XRCC5: variants seen among roughly 807,000 people sequenced by gnomAD.
The protein encoded by XRCC5 is X-ray repair cross complementing 5, also known as DNA repair protein Ku80.
Under a neutral mutation model 95.7 loss-of-function variants are expected in XRCC5, and 12 were observed. The ratio of observed to expected loss-of-function variants is 0.13; its 90% CI spans 0.08 to 0.20. The LOEUF (loss-of-function observed/expected upper bound fraction) is 0.20. XRCC5 is among the 10% of genes least tolerant of loss of function. The pLI is 1.00. For missense variants in XRCC5, 595 were observed against 873.9 expected, an observed-to-expected ratio of 0.68 and a Z score of 4.02; for synonymous variants, 281 against 290.3, an observed-to-expected ratio of 0.97 and a Z score of 0.33.
chr2:216,205,233 T>G lies in XRCC5; in HGVS notation c.*31T>G. On this transcript the variant is annotated 3_prime_UTR_variant, in exon 21 of 21. Transcript: ENST00000392132. ...GGATGTATGGGGAATCTAAGAGAGC[T>G]GCCATCGCTGTGATGCTGGGAGTTC... 1 of 1,613,894 alleles carries G rather than the reference T, an allele frequency of 6.2e-7. No individual in the cohort carries two copies. Among genetic ancestry groups the G allele is most frequent in the Non-Finnish European group, 8.5e-7 (1 of 1,179,788 alleles).
chr2:216,131,036 A>T (rs1186414088), intron 9 of XRCC5, 49 bp downstream of exon 9: 1 of 1,518,682 alleles, frequency 6.6e-7, no homozygotes, highest in African/African-American at 1.4e-5. Context: ...TGTTATTTGA[A>T]ATGGTATGCT....
In XRCC5 at chr2:216,204,157, C is replaced by G. The variant is rs370147873; in HGVS notation, c.2110-165C>G. On this transcript the variant is annotated intron_variant, in intron 19 of 20. Coordinates refer to ENST00000392132, the MANE Select transcript of XRCC5 (RefSeq NM_021141.4). The stretch of plus-strand genomic sequence containing the variant: ...CAAAACTGGGCCTCTCACCCAAAGC[C>G]AAATGAAGTAGCGTATGCCAGGATG... 25 of 738,906 alleles carry G rather than the reference C, an allele frequency of 3.4e-5. No homozygotes were observed. The East Asian group carries it at 6.7e-4, about 20-fold the overall frequency. The allele number at this position is 738,906 out of a possible 1,614,324, so 45.8% of individuals were successfully genotyped here.
At chr2:216,187,008 T>G (rs1689505029) in intron 16 of XRCC5, among the ~76,000 whole-genome samples, 1 of 152,234 alleles carries the variant, frequency 6.6e-6, no homozygotes, top group Non-Finnish European at 1.5e-5. Context: ...TATTCAAGCG[T>G]CATCCATCAC....
chr2:216,134,489 A>G (rs1037584514), intron 10 of XRCC5, among the ~76,000 whole-genome samples: 1 of 145,854 alleles, frequency 6.9e-6, no homozygotes, highest in Non-Finnish European at 1.5e-5. Context: ...GTACAGTGGT[A>G]CGTTCTCGGT....
chr2:216,163,479 G>A lies in XRCC5; in HGVS notation c.1834+1431G>A, dbSNP rs114007928. Among the ~76,000 whole-genome samples, 628 of 151,938 alleles carry A rather than the reference G, an allele frequency of 4.1e-3. 4 individuals carry two copies. Among genetic ancestry groups the A allele is most frequent in the African/African-American group, 0.015 (607 of 41,456 alleles). ...TAATTTTTGTATTTTTAGCACAGACGGGGTTTCGTTATGTTGGCCAGGCTG... is the reference window on the plus strand; with the variant it reads ...TAATTTTTGTATTTTTAGCACAGACAGGGTTTCGTTATGTTGGCCAGGCTG... On this transcript the variant is annotated intron_variant, in intron 16 of 20. Coordinates refer to ENST00000392132, the MANE Select transcript of XRCC5 (RefSeq NM_021141.4).
chr2:216,184,816 A>G (rs1031120076), intron 16 of XRCC5, among the ~76,000 whole-genome samples: 9 of 152,296 alleles, frequency 5.9e-5, no homozygotes, highest in African/African-American at 1.7e-4. Flanking sequence ...GAAATACCCA[A>G]TTCTTAAAAG....
At chr2:216,160,461 G>C (rs997304744) in intron 15 of XRCC5, among the ~76,000 whole-genome samples, 1 of 152,074 alleles carries the variant, frequency 6.6e-6, no homozygotes, top group Non-Finnish European at 1.5e-5. Flanking sequence ...TTTTCAACTA[G>C]TCAAAATGAT....
intron 10 of XRCC5, among the ~76,000 whole-genome samples, chr2:216,134,876 A>G (rs988244655): frequency 6.6e-6 from 1 of 152,238 alleles, no homozygotes; most frequent in East Asian, 1.9e-4. Context: ...ATTAGAACAT[A>G]CATGTTTCAT....
At chr2:216,184,032 CTGTGTGTGTGTGTGTGTG>C (rs3221952) in intron 16 of XRCC5, among the ~76,000 whole-genome samples, 2 of 145,626 alleles carry the variant, frequency 1.4e-5, no homozygotes, top group Admixed American at 1.3e-4. Context: ...TAAGTCAGCA[CTGTGTGTGTGTGTGTGTG>C]TGTGTGTGTG....
At chr2:216,184,030 C>T (rs1206411603) in intron 16 of XRCC5, among the ~76,000 whole-genome samples, 1 of 100,658 alleles carries the variant, frequency 9.9e-6, no homozygotes, top group African/African-American at 3.9e-5. Context: ...AATAAGTCAG[C>T]ACTGTGTGTG....
At chr2:216,130,149 G>C (rs1402317648) in intron 8 of XRCC5, among the ~76,000 whole-genome samples, 1 of 151,408 alleles carries the variant, frequency 6.6e-6, no homozygotes, top group Non-Finnish European at 1.5e-5. Flanking sequence ...GGATTTTGAT[G>C]CTCCTTCTTC....
intron 6 of XRCC5, among the ~76,000 whole-genome samples, chr2:216,125,261 G>T (rs899723426): frequency 6.6e-6 from 1 of 150,570 alleles, no homozygotes; most frequent in Non-Finnish European, 1.5e-5. Context: ...GCAATGGCGC[G>T]ATCTCAGCTC....
At chr2:216,139,506 A>AT (rs1412965754) in intron 12 of XRCC5, among the ~76,000 whole-genome samples, 6 of 152,144 alleles carry the variant, frequency 3.9e-5, no homozygotes, top group Non-Finnish European at 8.8e-5. Context: ...AGCCCCTCTG[A>AT]TTCATTTACC....
intron 17 of XRCC5, among the ~76,000 whole-genome samples, chr2:216,191,460 G>A (rs998835187): frequency 6.6e-6 from 1 of 151,254 alleles, no homozygotes; most frequent in Non-Finnish European, 1.5e-5. Context: ...CGCCCAGGCT[G>A]GAGTGCAGTG....
intron 14 of XRCC5, among the ~76,000 whole-genome samples, chr2:216,156,006 A>G (rs987730800): frequency 2.6e-5 from 4 of 152,216 alleles, no homozygotes; most frequent in African/African-American, 9.6e-5. Context: ...CTTCTTATAG[A>G]CGAAGAAGCG....
rs779704377 is a variant in XRCC5 at position 216,130,942 on chromosome 2, G to A, written c.1005G>A (p.Ser335=). 14 of 1,613,412 alleles carry A rather than the reference G, an allele frequency of 8.7e-6. No individual in the cohort carries two copies. Among genetic ancestry groups the A allele is most frequent in the Admixed American group, 1.7e-5 (1 of 59,902 alleles). The change falls in exon 9 of 21, where the codon TCG becomes TCA. Residue 335 remains serine, a synonymous_variant. Coordinates refer to ENST00000392132, the MANE Select transcript of XRCC5 (RefSeq NM_021141.4). ...ATGAGGAACAAATGAAATATAAATC[G>A]GAGGGGAAGTGCTTCTCTGTTTTGG... ...KVDEEQMKYK[S]EGKCFSVLGF... is the part of the protein sequence containing the mutation.
chr2:216,198,618 C>T (rs1483509413), intron 19 of XRCC5, among the ~76,000 whole-genome samples: 2 of 151,920 alleles, frequency 1.3e-5, no homozygotes, highest in African/African-American at 2.4e-5. Flanking sequence ...TGTAGTGGCA[C>T]GGTCTCAGCT....
chr2:216,155,014 TA>T (rs958489492), intron 14 of XRCC5, among the ~76,000 whole-genome samples: 50 of 149,624 alleles, frequency 3.3e-4, no homozygotes, highest in African/African-American at 1.2e-3. Flanking sequence ...AAGTAGAAAA[TA>T]AAAAAATATA....
chr2:216,148,123 C>A lies in XRCC5; in HGVS notation c.1517C>A (p.Pro506His). 6.2e-7 allele frequency: 1 copy of A among 1,613,800 alleles called. No homozygotes were observed. The highest frequency in any genetic ancestry group is 8.5e-7 in the Non-Finnish European group (1 of 1,179,930). Residue 506 changes from proline (P) to histidine (H), a missense_variant, in exon 14 of 21, where the codon CCC (proline) becomes CAC (histidine). Coordinates refer to ENST00000392132, the MANE Select transcript of XRCC5 (RefSeq NM_021141.4). Reference protein sequence around the residue: ...HRALHPREPLPPIQQHIWNML... With the variant: ...HRALHPREPLHPIQQHIWNML... Reference sequence around the variant, plus strand: ...GCTTTACATCCCCGGGAGCCTCTACCCCCAATTCAGCAGCATATTTGGAAT... The same window carrying A: ...GCTTTACATCCCCGGGAGCCTCTACACCCAATTCAGCAGCATATTTGGAAT...
Sources: gnomAD v4.1 joint callset for allele counts (sites outside exome capture counted in the v4.1 genomes callset) on GRCh38, gnomAD v4.1.1 for gene constraint, MANE v1.5 for transcripts, NCBI Gene and HGNC (gene_info 2026-07-23, HGNC 2026-07-21) for gene names.